TMEM53: variants seen among roughly 807,000 people sequenced by gnomAD.
TMEM53 encodes transmembrane protein 53, also known as novel DUF829 domain-containing protein.
TMEM53 carries 14 observed loss-of-function variants against 21.4 expected under a neutral mutation model. The ratio of observed to expected loss-of-function variants is 0.65; its 90% CI spans 0.43 to 1.02. The LOEUF (loss-of-function observed/expected upper bound fraction) is 1.02. Ranked by LOEUF, TMEM53 falls within the 50% of genes least tolerant of loss-of-function variation. The pLI, the probability that TMEM53 is intolerant of heterozygous loss-of-function variation, is 0.00. For synonymous variants in TMEM53, 148 were observed against 157.4 expected, an observed-to-expected ratio of 0.94 and a Z score of 0.45; for missense variants, 323 against 383.6, an observed-to-expected ratio of 0.84 and a Z score of 1.32.
chr1:44,658,026 G>T (rs952524195), intron 2 of TMEM53, among the ~76,000 whole-genome samples: 2 of 151,596 alleles, frequency 1.3e-5, no homozygotes, highest in Admixed American at 6.6e-5. Flanking sequence ...CATGCCTTCT[G>T]CCCAAGTAGC....
chr1:44,659,855 C>CTTTTT (rs35618807), intron 2 of TMEM53, among the ~76,000 whole-genome samples: 17 of 106,934 alleles, frequency 1.6e-4, no homozygotes, highest in African/African-American at 3.2e-4. Flanking sequence ...TCCTCACAGG[C>CTTTTT]TTTTTTTTTT....
At position 44,674,456 on chromosome 1, in the gene TMEM53, A is replaced by G; in HGVS notation, c.-65T>C. 1 of 1,531,858 alleles carries G rather than the reference A, an allele frequency of 6.5e-7. No individual in the cohort carries two copies. Among genetic ancestry groups the G allele is most frequent in the Non-Finnish European group, 8.8e-7 (1 of 1,133,004 alleles). The allele number at this position is 1,531,858 out of a possible 1,614,324, so 94.9% of individuals were successfully genotyped here. A position where few individuals can be genotyped will look rare whatever the true frequency, so the allele number is the denominator to read the frequency against. ...ACTCCCGCTTGCGCACCCGTGCCTCACCCGGGCGCCTCCTGGGCGCCGCCC... is the reference window on the plus strand; with the variant it reads ...ACTCCCGCTTGCGCACCCGTGCCTCGCCCGGGCGCCTCCTGGGCGCCGCCC... On this transcript the variant is annotated 5_prime_UTR_variant, in exon 1 of 3. Transcript: ENST00000372237.
At chr1:44,662,819 G>A (rs1020221644) in intron 1 of TMEM53, among the ~76,000 whole-genome samples, 2 of 152,050 alleles carry the variant, frequency 1.3e-5, no homozygotes, top group African/African-American at 4.8e-5. Flanking sequence ...GCCCCCACCA[G>A]CAGAGATGGT....
chr1:44,656,044 C>T (rs1318689973), intron 2 of TMEM53, among the ~76,000 whole-genome samples: 1 of 152,140 alleles, frequency 6.6e-6, no homozygotes, highest in Non-Finnish European at 1.5e-5. Flanking sequence ...AGCCACCATG[C>T]CTGGCTCCTA....
chr1:44,663,159 T>C (rs983118189), intron 1 of TMEM53, among the ~76,000 whole-genome samples: 2 of 152,258 alleles, frequency 1.3e-5, no homozygotes, highest in East Asian at 3.8e-4. Context: ...GCTCAAGCGA[T>C]CCTTCTACCT....
At position 44,674,416 on chromosome 1, in the gene TMEM53, G is replaced by C. The variant is rs367994038; in HGVS notation, c.-25C>G. On this transcript the variant is annotated 5_prime_UTR_variant, in exon 1 of 3. Coordinates refer to ENST00000372237, the MANE Select transcript of TMEM53 (RefSeq NM_024587.4). ...TGGTGAAGGCGCCGGCCCAGAGCAC[G>C]GGTCTCCAGCCGGAACTCCCGCTTG... 56 of 1,598,022 alleles carry C rather than the reference G, an allele frequency of 3.5e-5. No individual in the cohort carries two copies. Among genetic ancestry groups the C allele is most frequent in the African/African-American group, 2.6e-4 (19 of 74,282 alleles).
Position 44,654,405 on chromosome 1 carries a change from C to A in TMEM53, c.*154G>T, listed in dbSNP as rs1644827724. On this transcript the variant is annotated 3_prime_UTR_variant, in exon 3 of 3. Coordinates refer to ENST00000372237, the MANE Select transcript of TMEM53 (RefSeq NM_024587.4). This position sits in a 1 kb window ranked among gnomAD's most constrained non-coding sequence, Gnocchi z 7.0. Reference sequence around the variant, plus strand: ...CAGACCACCAGCAGACAGAGGCCCCCAGGAGACAGGCCCATAGGAATTTTC... The same window carrying A: ...CAGACCACCAGCAGACAGAGGCCCCAAGGAGACAGGCCCATAGGAATTTTC... 4.7e-6 allele frequency: 4 copies of A among 852,920 alleles called. No homozygotes were observed. The highest frequency in any genetic ancestry group is 7.2e-6 in the Non-Finnish European group (4 of 553,174). The allele number at this position is 852,920 out of a possible 1,614,324, so 52.8% of individuals were successfully genotyped here. A position where few individuals can be genotyped will look rare whatever the true frequency, so the allele number is the denominator to read the frequency against.
At position 44,671,625 on chromosome 1, in the gene TMEM53, GA is replaced by G. The variant is rs200602918; in HGVS notation, c.61+2705del. ...TAAGAAAATGAAAATTTTTTAAACT[GA>G]AAAAAAAAAGTGTTTTTAAAGGCTG... On this transcript the variant is annotated intron_variant, in intron 1 of 2. Transcript: ENST00000372237. Among the ~76,000 whole-genome samples the G allele has an allele frequency of 9.2e-3, 1,360 of 148,292 alleles. 18 individuals are homozygous for G. Among genetic ancestry groups the G allele is most frequent in the African/African-American group, 0.029 (1,196 of 40,614 alleles).
chr1:44,660,410 GCC>G, intron 1 of TMEM53, 115 bp from the exon 2 acceptor site: 1 of 1,421,572 alleles, frequency 7.0e-7, no homozygotes, highest in Non-Finnish European at 9.5e-7. Context: ...CGGGTGCCAG[GCC>G]CAGGCATCCT....
Position 44,653,569 on chromosome 1 carries a change from GT to G in TMEM53, c.*989del, listed in dbSNP as rs1241817485. On this transcript the variant is annotated 3_prime_UTR_variant, in exon 3 of 3. Transcript: ENST00000372237. Reference sequence around the variant, plus strand: ...CCCAGCGGCTTCCTAGCAAAGTGTGGTAGAGCCAGGCAGGCCCCTAACCTCA... The same window carrying G: ...CCCAGCGGCTTCCTAGCAAAGTGTGGAGAGCCAGGCAGGCCCCTAACCTCA... 1 of 152,208 alleles carries G rather than the reference GT, an allele frequency of 6.6e-6. No homozygotes were observed. Among genetic ancestry groups the G allele is most frequent in the African/African-American group, 2.4e-5 (1 of 41,442 alleles). 9.4% of individuals were successfully genotyped at this position (152,208 alleles called of 1,614,324 possible).
rs1188922184 is a variant in TMEM53 at position 44,653,760 on chromosome 1, G to A, written c.*799C>T. 3 of 152,366 alleles carry A rather than the reference G, an allele frequency of 2.0e-5. No homozygotes were observed. The highest frequency in any genetic ancestry group is 7.2e-5 in the African/African-American group (3 of 41,552). The allele number at this position is 152,366 out of a possible 1,614,324, so 9.4% of individuals were successfully genotyped here. A position where few individuals can be genotyped will look rare whatever the true frequency, so the allele number is the denominator to read the frequency against. ...CTATCCGCAGCCTGACGCTACCCCT[G>A]ACCGATATACCTTCCCTCTGGCATC... On this transcript the variant is annotated 3_prime_UTR_variant, in exon 3 of 3. Coordinates refer to ENST00000372237, the MANE Select transcript of TMEM53 (RefSeq NM_024587.4).
intron 1 of TMEM53, among the ~76,000 whole-genome samples, chr1:44,671,726 C>T (rs1645002886): frequency 6.6e-6 from 1 of 152,206 alleles, no homozygotes. Flanking sequence ...GTCAGGAGTT[C>T]AAGACCAGCC....
chr1:44,654,718 G>A lies in TMEM53; in HGVS notation c.675C>T (p.Ala225=), dbSNP rs748109602. Residue 225 remains alanine, a synonymous_variant, in exon 3 of 3, where the codon GCC becomes GCT. Coordinates refer to ENST00000372237, the MANE Select transcript of TMEM53 (RefSeq NM_024587.4). This position sits in a 1 kb window ranked among gnomAD's most constrained non-coding sequence, Gnocchi z 7.0. The part of the protein sequence containing the change: ...LYSRADEVVL[A]RDIERMVEAR... ...CCTCCACCATGCGTTCTATGTCTCTGGCCAGGACTACTTCGTCAGCCCTCG... is the reference window on the plus strand; with the variant it reads ...CCTCCACCATGCGTTCTATGTCTCTAGCCAGGACTACTTCGTCAGCCCTCG... 2 of 1,614,012 alleles carry A rather than the reference G, an allele frequency of 1.2e-6. No homozygotes were observed. The highest frequency in any genetic ancestry group is 2.7e-5 in the African/African-American group (2 of 74,924).
intron 2 of TMEM53, among the ~76,000 whole-genome samples, chr1:44,656,495 A>G (rs547973203): frequency 6.6e-6 from 1 of 152,258 alleles, no homozygotes; most frequent in South Asian, 2.1e-4. Context: ...CATCCCTCCC[A>G]AGACTCTGAA....
chr1:44,671,691 G>A (rs528396260), intron 1 of TMEM53, among the ~76,000 whole-genome samples: 2 of 152,374 alleles, frequency 1.3e-5, no homozygotes, highest in African/African-American at 4.8e-5. Flanking sequence ...CACTTTGGGA[G>A]GCTGAGGCGG....
At chr1:44,662,353 G>A (rs746698566) in intron 1 of TMEM53, among the ~76,000 whole-genome samples, 3 of 152,182 alleles carry the variant, frequency 2.0e-5, no homozygotes, top group Non-Finnish European at 4.4e-5. Flanking sequence ...TCTGATAAGG[G>A]AGACAGTCCC....
chr1:44,661,576 C>T (rs72671966), intron 1 of TMEM53, among the ~76,000 whole-genome samples: 2,407 of 152,174 alleles, frequency 0.016, 82 homozygotes, highest in Admixed American at 0.066. Context: ...CTGGCCCATA[C>T]CAAGCCACCT....
chr1:44,662,745 G>A (rs983575907), intron 1 of TMEM53, among the ~76,000 whole-genome samples: 5 of 151,176 alleles, frequency 3.3e-5, no homozygotes, highest in South Asian at 4.2e-4. Flanking sequence ...GGGATTTATC[G>A]CAAATACAGA....
Position 44,674,336 on chromosome 1 carries a change from C to T in TMEM53, c.56G>A (p.Ser19Asn), listed in dbSNP as rs1367211287. 1 of 1,612,340 alleles carries T rather than the reference C, an allele frequency of 6.2e-7. No homozygotes were observed. The highest frequency in any genetic ancestry group is 1.3e-5 in the African/African-American group (1 of 74,972). ...ACCCAACCCTCATTCCATACTCTGG[C>T]TCCAGCAGGGCTGATCCGGGATCTC... ...TIEIPDQPCW[S>N]QKNSPSPGGK... Residue 19 changes from serine (S) to asparagine (N), a missense_variant, in exon 1 of 3, where the codon AGC becomes AAC. Physicochemically the swap from Ser to Asn is conservative, Grantham distance 46. Coordinates refer to ENST00000372237, the MANE Select transcript of TMEM53 (RefSeq NM_024587.4).
Sources: allele counts gnomAD v4.1 joint callset (sites outside exome capture counted in the v4.1 genomes callset), GRCh38; gene constraint gnomAD v4.1.1; non-coding constraint Gnocchi (gnomAD v3.1); transcripts MANE v1.5; gene names NCBI Gene and HGNC (gene_info 2026-07-23, HGNC 2026-07-21).